TBC1D8: variants seen among roughly 807,000 people sequenced by gnomAD.
TBC1D8 encodes TBC1 domain family member 8, also known as BUB2-like protein 1.
TBC1D8 carries 65 observed loss-of-function variants against 118.8 expected under a neutral mutation model. That is an observed-to-expected ratio of 0.55 (90% CI 0.45 to 0.67). The LOEUF (loss-of-function observed/expected upper bound fraction) is 0.67. Ranked by LOEUF, TBC1D8 falls within the 30% of genes least tolerant of loss-of-function variation. The pLI, the probability that TBC1D8 is intolerant of heterozygous loss-of-function variation, is 0.00. For synonymous variants in TBC1D8, 566 were observed against 595.8 expected (o/e 0.95, Z 0.73); for missense variants, 1,376 against 1,471.2 (o/e 0.94, Z 1.06).
At chr2:101,071,346 A>AAAAC (rs534839889) in intron 2 of TBC1D8, among the ~76,000 whole-genome samples, 7,169 of 142,480 alleles carry the variant, frequency 0.05, 203 homozygotes, top group Non-Finnish European at 0.062. Flanking sequence ...CTCCGTCTCA[A>AAAAC]AAACAAACAA....
intron 17 of TBC1D8, among the ~76,000 whole-genome samples, chr2:101,013,105 CA>C (rs1360543660): frequency 1.3e-5 from 2 of 152,102 alleles, no homozygotes; most frequent in Non-Finnish European, 2.9e-5. Flanking sequence ...GCAATTAATC[CA>C]GGGGGTGGGC....
At chr2:101,037,274 C>G (rs1447399528) in intron 8 of TBC1D8, among the ~76,000 whole-genome samples, 3 of 152,220 alleles carry the variant, frequency 2.0e-5, no homozygotes, top group Non-Finnish European at 4.4e-5. Context: ...TGGAGACCCC[C>G]AAGGGGCAGC....
At chr2:101,064,380 G>GT (rs1285221619) in intron 2 of TBC1D8, among the ~76,000 whole-genome samples, 1 of 152,184 alleles carries the variant, frequency 6.6e-6, no homozygotes, top group Non-Finnish European at 1.5e-5. Context: ...CTCCAGAACT[G>GT]TGAGAAATCA....
chr2:101,148,396 G>C (rs1679406313), intron 1 of TBC1D8, among the ~76,000 whole-genome samples: 1 of 152,072 alleles, frequency 6.6e-6, no homozygotes, highest in Non-Finnish European at 1.5e-5. Context: ...ACTATCACAG[G>C]TAAATACCTG....
intron 18 of TBC1D8, 129 bp from the exon 19 acceptor site, chr2:101,011,155 A>C: frequency 1.1e-6 from 1 of 905,602 alleles, no homozygotes; most frequent in Non-Finnish European, 1.7e-6. Context: ...CAAAACTGGA[A>C]AGCAAGAGAT....
At chr2:101,126,361 A>ATAAG (rs1234483363) in intron 1 of TBC1D8, among the ~76,000 whole-genome samples, 1 of 152,170 alleles carries the variant, frequency 6.6e-6, no homozygotes, top group Non-Finnish European at 1.5e-5. Context: ...GGCCACACAA[A>ATAAG]CCATATCCGA....
chr2:101,075,390 CA>C (rs11443594), intron 2 of TBC1D8, among the ~76,000 whole-genome samples: 17,384 of 133,220 alleles, frequency 0.13, 1,165 homozygotes, highest in Non-Finnish European at 0.16. Context: ...GACTCCATCT[CA>C]AAAAAAAAAA....
rs1682634253 is a variant in TBC1D8, at chr2:101,059,458, T to G, written c.365A>C (p.Lys122Thr). The change falls in exon 3 of 20, where the codon AAA (lysine) becomes ACA (threonine). Residue 122 changes from lysine (K) to threonine (T), a missense_variant. Coordinates refer to ENST00000409318, the MANE Select transcript of TBC1D8 (RefSeq NM_001330348.2). The part of the protein sequence containing the change: ...LLHTLSVFDN[K>T]DDIASFVKGK... Reference sequence around the variant, plus strand: ...TTTGACAAAACTGGCAATGTCATCTTTATTATCAAAGACAGACAAGGTGTG... The same window carrying G: ...TTTGACAAAACTGGCAATGTCATCTGTATTATCAAAGACAGACAAGGTGTG... The G allele has an allele frequency of 6.2e-7, 1 of 1,613,892 alleles. No homozygotes were observed. Among genetic ancestry groups the G allele is most frequent in the Non-Finnish European group, 8.5e-7 (1 of 1,179,842 alleles).
chr2:101,071,097 T>C (rs1039343593), intron 2 of TBC1D8, among the ~76,000 whole-genome samples: 6 of 152,082 alleles, frequency 3.9e-5, no homozygotes, highest in Non-Finnish European at 5.9e-5. Flanking sequence ...CCCAGCACTT[T>C]GGGAGGCTGA....
At chr2:101,113,555 C>T (rs150671083) in intron 1 of TBC1D8, among the ~76,000 whole-genome samples, 16 of 152,272 alleles carry the variant, frequency 1.1e-4, no homozygotes, top group Admixed American at 3.3e-4. Context: ...TCACAAATAC[C>T]GCCTGCAGCC....
intron 1 of TBC1D8, among the ~76,000 whole-genome samples, chr2:101,138,418 A>T (rs1345120120): frequency 6.6e-6 from 1 of 152,160 alleles, no homozygotes; most frequent in South Asian, 2.1e-4. Context: ...CTACAATTCC[A>T]TTCAATTCTG....
chr2:101,131,995 CA>C (rs1156784454), intron 1 of TBC1D8, among the ~76,000 whole-genome samples: 1 of 152,092 alleles, frequency 6.6e-6, no homozygotes, highest in African/African-American at 2.4e-5. Flanking sequence ...ATACTTCAAT[CA>C]AAGTAGACGG....
chr2:101,027,407 T>C lies in TBC1D8; in HGVS notation c.2496A>G (p.Leu832=). ...CCTTGAATAAGTCGTAGAGCTCCTC[T>C]AGGTCTTCAGGAAGAATTGAGACTT... ...IPEVSILPED[L]EELYDLFKRE... Residue 832 remains leucine (L), a synonymous_variant, in exon 15 of 20, where the codon CTA becomes CTG. Coordinates refer to ENST00000409318, the MANE Select transcript of TBC1D8 (RefSeq NM_001330348.2). 6.2e-7 allele frequency: 1 copy of C among 1,613,268 alleles called. No individual in the cohort carries two copies. The highest frequency in any genetic ancestry group is 8.5e-7 in the Non-Finnish European group (1 of 1,179,314).
rs770969122 is a variant in TBC1D8 at position 101,029,715 on chromosome 2, T to TGC, written c.1996_1997dup (p.Glu667GlnfsTer4). On this transcript the variant is annotated frameshift_variant, in exon 12 of 20. Transcript: ENST00000409318. LOFTEE classifies it high-confidence loss of function. ...GGGCTGAGAGGTCGTTCATGTGCTC[T>TGC]GCCAGCTCTGGGAGATGACCCTTGA... The TGC allele has an allele frequency of 4.3e-6, 7 of 1,614,040 alleles. No individual in the cohort carries two copies. The Admixed American group carries it at 8.3e-5, about 19-fold the overall frequency.
chr2:101,066,202 T>C (rs1360867831), intron 2 of TBC1D8, among the ~76,000 whole-genome samples: 1 of 152,064 alleles, frequency 6.6e-6, no homozygotes, highest in African/African-American at 2.4e-5. Context: ...GAGAATTGCT[T>C]GAACCCGGGA....
intron 1 of TBC1D8, among the ~76,000 whole-genome samples, chr2:101,123,168 T>G (rs1448281601): frequency 6.6e-6 from 1 of 151,988 alleles, no homozygotes; most frequent in Non-Finnish European, 1.5e-5. Flanking sequence ...GCCTAGGAAT[T>G]CCAGTCCACA....
At chr2:101,112,732 C>T (rs1053660566) in intron 1 of TBC1D8, among the ~76,000 whole-genome samples, 2 of 152,178 alleles carry the variant, frequency 1.3e-5, no homozygotes, top group African/African-American at 4.8e-5. Context: ...CCCGCCCTTA[C>T]CTTTCTTTTG....
rs540686808 is a variant in TBC1D8 at position 101,065,823 on chromosome 2, T to C, written c.284-6284A>G. ...TTTATAATTGAAGTGGTCATTAAAA[T>C]GTCCTTGTAATAGTACCATTAGACA... On this transcript the variant is annotated intron_variant, in intron 2 of 19. Coordinates refer to ENST00000409318, the MANE Select transcript of TBC1D8 (RefSeq NM_001330348.2). 2.6e-5 allele frequency among the ~76,000 whole-genome samples: 4 copies of C among 152,314 alleles called. No individual in the cohort carries two copies. The East Asian group carries it at 7.7e-4, about 29-fold the overall frequency.
intron 2 of TBC1D8, among the ~76,000 whole-genome samples, chr2:101,084,702 T>G (rs1180181650): frequency 3.3e-5 from 5 of 152,110 alleles, no homozygotes; most frequent in Non-Finnish European, 5.9e-5. Context: ...AAAAGCTAGG[T>G]GCAGGGAGAC....
Sources: gnomAD v4.1 joint callset for allele counts (sites outside exome capture counted in the v4.1 genomes callset) on GRCh38, gnomAD v4.1.1 for gene constraint, MANE v1.5 for transcripts, NCBI Gene and HGNC (gene_info 2026-07-23, HGNC 2026-07-21) for gene names.